ABCA12: variants seen among roughly 807,000 people sequenced by gnomAD.
ABCA12 encodes the protein ATP binding cassette subfamily A member 12, also known as glucosylceramide transporter ABCA12.
In ABCA12, 156 loss-of-function variants were observed where a neutral mutation model predicts 293.5. That is an observed-to-expected ratio of 0.53 (90% CI 0.47 to 0.61). The LOEUF is 0.61. Among genes scored for constraint, ABCA12 ranks in the 20% least tolerant of loss-of-function variants. ABCA12 has a pLI of 0.00. For missense variants in ABCA12, 2,797 were observed against 3,090.2 expected, an observed-to-expected ratio of 0.91 and a Z score of 2.25; for synonymous variants, 1,063 against 1,108.0, an observed-to-expected ratio of 0.96 and a Z score of 0.81.
At chr2:215,031,772 G>A (rs1700882609) in intron 9 of ABCA12, 49 bp downstream of exon 9, 1 of 1,609,400 alleles carries the variant, frequency 6.2e-7, no homozygotes, top group Admixed American at 1.7e-5. Flanking sequence ...TGTTTTGATT[G>A]TTTATTCAGC....
chr2:215,048,729 A>C (rs1051105693), intron 6 of ABCA12, among the ~76,000 whole-genome samples: 3 of 152,066 alleles, frequency 2.0e-5, no homozygotes, highest in Non-Finnish European at 2.9e-5. Flanking sequence ...AAAGCAAAAC[A>C]AAAACAAAGA....
chr2:215,047,037 A>G (rs1701217318), intron 6 of ABCA12, among the ~76,000 whole-genome samples: 1 of 152,182 alleles, frequency 6.6e-6, no homozygotes, highest in African/African-American at 2.4e-5. Context: ...GAACACATGG[A>G]CACACAGAGG....
Position 215,011,590 on chromosome 2 carries a change from T to C in ABCA12, c.2181A>G (p.Gln727=), listed in dbSNP as rs1274028154. The stretch of plus-strand genomic sequence containing the variant: ...TGGTAATTCCTTGAGAACATAATGC[T>C]TGGGAGATGGTGCTAAATGATCCTT... ...TPQGSFSTIS[Q]ALCSQGITTE... Residue 727 remains glutamine (Q), a synonymous_variant, in exon 17 of 53, where the codon CAA becomes CAG. Transcript: ENST00000272895. The C allele has an allele frequency of 2.5e-6, 4 of 1,613,968 alleles. No individual in the cohort carries two copies. Among genetic ancestry groups the C allele is most frequent in the Non-Finnish European group, 3.4e-6 (4 of 1,179,966 alleles).
chr2:214,989,305 T>C, intron 26 of ABCA12, 24 bp downstream of exon 26: 1 of 1,611,162 alleles, frequency 6.2e-7, no homozygotes, highest in Non-Finnish European at 8.5e-7. Flanking sequence ...AAAAAGCATG[T>C]ATCTGTAGGA....
intron 2 of ABCA12, among the ~76,000 whole-genome samples, chr2:215,104,991 A>G (rs1485825602): frequency 1.3e-5 from 2 of 152,192 alleles, no homozygotes; most frequent in East Asian, 3.9e-4. Flanking sequence ...TCAGACTCAC[A>G]TTGAGTTTTT....
chr2:215,129,169 T>A (rs1702995795), intron 1 of ABCA12, among the ~76,000 whole-genome samples: 1 of 152,226 alleles, frequency 6.6e-6, no homozygotes, highest in Non-Finnish European at 1.5e-5. Context: ...CTCTCAGCCA[T>A]GGATACCAGT....
intron 3 of ABCA12, among the ~76,000 whole-genome samples, chr2:215,058,700 G>A (rs777556367): frequency 5.9e-5 from 9 of 151,990 alleles, no homozygotes; most frequent in Non-Finnish European, 1.0e-4. Context: ...CCACATGCAC[G>A]GTACGATGGG....
chr2:214,976,810 T>C (rs567679585), intron 33 of ABCA12, among the ~76,000 whole-genome samples: 6 of 152,300 alleles, frequency 3.9e-5, no homozygotes, highest in African/African-American at 1.4e-4. Flanking sequence ...CCATAAACCA[T>C]TGCTTCCTCA....
chr2:215,123,747 C>CTTTT (rs61146923), intron 1 of ABCA12, among the ~76,000 whole-genome samples: 12,439 of 151,846 alleles, frequency 0.082, 1,158 homozygotes, highest in African/African-American at 0.23. Context: ...TATTTTTTGG[C>CTTTT]TTGTTTTTTC....
At chr2:215,085,519 C>T (rs990878033) in intron 2 of ABCA12, 3 of 152,158 alleles carry the variant, frequency 2.0e-5, no homozygotes, top group African/African-American at 7.2e-5. Flanking sequence ...TTACCATTCT[C>T]CTGGGTACAG....
At chr2:214,960,055 C>T (rs541778989) in intron 39 of ABCA12, among the ~76,000 whole-genome samples, 93 of 152,232 alleles carry the variant, frequency 6.1e-4, no homozygotes, top group African/African-American at 2.2e-3. Flanking sequence ...TTGCACAGCA[C>T]TGAATATTAT....
chr2:215,119,226 C>T (rs946374791), intron 1 of ABCA12, among the ~76,000 whole-genome samples: 2 of 152,230 alleles, frequency 1.3e-5, no homozygotes, highest in African/African-American at 4.8e-5. Context: ...CAGCCTTGGC[C>T]TCCCAAAGTA....
Position 214,989,556 on chromosome 2 carries a change from G to T in ABCA12, c.3690C>A (p.Gly1230=). The part of the protein sequence containing the change: ...SQYIARYEEQ[G]IGLQWENMYT... ...TTTTAAAGAAAGGGGACCTACCAAT[G>T]CCCTGTTCTTCGTATCGTGCAATGT... The change falls in exon 25 of 53, where the codon GGC becomes GGA. Residue 1230 remains glycine, a synonymous_variant. Transcript: ENST00000272895. 6.2e-7 allele frequency: 1 copy of T among 1,614,068 alleles called. No homozygotes were observed. Among genetic ancestry groups the T allele is most frequent in the Non-Finnish European group, 8.5e-7 (1 of 1,179,964 alleles).
At chr2:214,975,396 T>A (rs1484807875) in intron 34 of ABCA12, among the ~76,000 whole-genome samples, 1 of 152,244 alleles carries the variant, frequency 6.6e-6, no homozygotes, top group Non-Finnish European at 1.5e-5. Flanking sequence ...CATGCATCAG[T>A]GATCACCTAT....
chr2:215,081,495 A>AAAAG (rs1553541625), intron 2 of ABCA12, among the ~76,000 whole-genome samples: 3,478 of 127,424 alleles, frequency 0.027, 354 homozygotes, highest in African/African-American at 0.051. Context: ...AAAAAAAAGA[A>AAAAG]AAAGAAAAAA....
chr2:214,949,375 T>TACACACACAC lies in ABCA12; in HGVS notation c.6853-227_6853-226insGTGTGTGTGT, dbSNP rs1186183654. Among the ~76,000 whole-genome samples the TACACACACAC allele has an allele frequency of 3.7e-3, 543 of 148,364 alleles. 3 individuals are homozygous for TACACACACAC. The highest frequency in any genetic ancestry group is 0.013 in the African/African-American group (533 of 39,508). On this transcript the variant is annotated intron_variant, in intron 45 of 52. Transcript: ENST00000272895. ...CCATCTGAATATATATATATATATA[T>TACACACACAC]ATACACACACACACACACACACACA...
chr2:215,039,116 G>A (rs1459847490), intron 7 of ABCA12: 2 of 152,074 alleles, frequency 1.3e-5, no homozygotes, highest in Non-Finnish European at 2.9e-5. Context: ...AATCCTGTGT[G>A]TCCTTTCATA....
chr2:214,935,919 A>C (rs1698204907), intron 51 of ABCA12, among the ~76,000 whole-genome samples: 1 of 152,222 alleles, frequency 6.6e-6, no homozygotes, highest in Non-Finnish European at 1.5e-5. Flanking sequence ...TATTTTTAAA[A>C]TGCAGTTTAT....
chr2:215,017,115 T>A (rs1700521859), intron 14 of ABCA12, among the ~76,000 whole-genome samples: 1 of 152,192 alleles, frequency 6.6e-6, no homozygotes, highest in African/African-American at 2.4e-5. Flanking sequence ...GGGAACCAAT[T>A]AAAATGACAA....
Sources: allele counts gnomAD v4.1 joint callset (sites outside exome capture counted in the v4.1 genomes callset), GRCh38; gene constraint gnomAD v4.1.1; transcripts MANE v1.5; gene names NCBI Gene and HGNC (gene_info 2026-07-23, HGNC 2026-07-21).